Variants in RIBC2 observed in about 807,000 individuals in gnomAD.
RIBC2 encodes the protein RIB43A domain with coiled-coils 2, also known as RIB43A-like with coiled-coils protein 2.
A neutral mutation model predicts 44.3 loss-of-function variants in RIBC2; 40 were observed. The ratio of observed to expected loss-of-function variants is 0.90; its 90% CI spans 0.70 to 1.18. The LOEUF is 1.18. Among genes scored for constraint, RIBC2 ranks in the 50% most tolerant of loss-of-function variants. The pLI is 0.00. For synonymous variants in RIBC2, 171 were observed against 175.0 expected (o/e 0.98, Z 0.18); for missense variants, 459 against 485.5 (o/e 0.95, Z 0.51).
chr22:45,423,936 G>GTGA (rs199673014), intron 4 of RIBC2, among the ~76,000 whole-genome samples: 2 of 152,178 alleles, frequency 1.3e-5, no homozygotes, highest in Non-Finnish European at 2.9e-5. Context: ...GGAAGCGATG[G>GTGA]TGATGATGAT....
intron 6 of RIBC2, among the ~76,000 whole-genome samples, chr22:45,431,868 G>A (rs1367360607): frequency 2.0e-5 from 3 of 152,328 alleles, no homozygotes; most frequent in South Asian, 4.1e-4. Flanking sequence ...AGCTACTGGG[G>A]AGGCTGAGGC....
In RIBC2 at chr22:45,422,295, C is replaced by G; in HGVS notation, c.562C>G (p.Leu188Val). 6.2e-7 allele frequency: 1 copy of G among 1,613,758 alleles called. No individual in the cohort carries two copies. Residue 188 changes from leucine (L) to valine (V), a missense_variant, in exon 4 of 7, where the codon CTC (leucine) becomes GTC (valine). Coordinates refer to ENST00000614167, the MANE Select transcript of RIBC2 (RefSeq NM_015653.5). Reference protein sequence around the residue: ...ARAEQKCAEALYTETRLQFDE... With the variant: ...ARAEQKCAEAVYTETRLQFDE... ...TGCTTCTTGCCTCCTTTCAGAGGCCCTCTACACAGAGACAAGGCTGCAGTT... is the reference window on the plus strand; with the variant it reads ...TGCTTCTTGCCTCCTTTCAGAGGCCGTCTACACAGAGACAAGGCTGCAGTT...
intron 4 of RIBC2, chr22:45,422,646 GA>G: frequency 1.9e-6 from 1 of 525,550 alleles, no homozygotes; most frequent in Non-Finnish European, 3.4e-6. Context: ...GTAACCTGGG[GA>G]AGTCAGCTCA....
At chr22:45,432,262 T>A in intron 6 of RIBC2, 22 bp from the exon 7 acceptor site, 1 of 1,400,606 alleles carries the variant, frequency 7.1e-7, no homozygotes, top group Non-Finnish European at 9.9e-7. Flanking sequence ...CTGACCTTTT[T>A]TTTTTCTCAT....
intron 3 of RIBC2, among the ~76,000 whole-genome samples, chr22:45,421,124 T>C (rs577395662): frequency 6.6e-6 from 1 of 151,966 alleles, no homozygotes; most frequent in African/African-American, 2.4e-5. Flanking sequence ...GGTGAAACCC[T>C]GTCTCTACTG....
intron 4 of RIBC2, among the ~76,000 whole-genome samples, chr22:45,423,172 A>G (rs1602117158): frequency 6.6e-6 from 1 of 151,870 alleles, no homozygotes; most frequent in East Asian, 1.9e-4. Context: ...TTGTAGACAC[A>G]GGGTTTTGCC....
At chr22:45,421,999 G>T (rs930701231) in intron 3 of RIBC2, among the ~76,000 whole-genome samples, 29 of 152,188 alleles carry the variant, frequency 1.9e-4, no homozygotes, top group African/African-American at 6.7e-4. Context: ...GTCATTTCTT[G>T]GGGCTGTAGA....
intron 5 of RIBC2, 37 bp from the exon 6 acceptor site, chr22:45,430,863 G>A: frequency 6.6e-7 from 1 of 1,516,610 alleles, no homozygotes; most frequent in Non-Finnish European, 8.8e-7. Flanking sequence ...TTTGGCTCTG[G>A]GGAAAGGTGG....
At chr22:45,415,603 G>GTA (rs59918831) in intron 2 of RIBC2, among the ~76,000 whole-genome samples, 2,004 of 149,326 alleles carry the variant, frequency 0.013, 21 homozygotes, top group Non-Finnish European at 0.021. Flanking sequence ...TTATATATGT[G>GTA]TATATATATA....
chr22:45,417,633 G>A lies in RIBC2; in HGVS notation c.243G>A (p.Met81Ile), dbSNP rs534927341. 1 of 1,613,356 alleles carries A rather than the reference G, an allele frequency of 6.2e-7. No individual in the cohort carries two copies. Among genetic ancestry groups the A allele is most frequent in the Non-Finnish European group, 8.5e-7 (1 of 1,179,438 alleles). Residue 81 changes from methionine (M) to isoleucine (I), a missense_variant, in exon 3 of 7, where the codon ATG (methionine) becomes ATA (isoleucine). Coordinates refer to ENST00000614167, the MANE Select transcript of RIBC2 (RefSeq NM_015653.5). Reference sequence around the variant, plus strand: ...AAATGAGGCAAAATGACAAAATCATGTGCATATTGGAAAACCGGAAAAAGA... The same window carrying A: ...AAATGAGGCAAAATGACAAAATCATATGCATATTGGAAAACCGGAAAAAGA... ...AAEMRQNDKI[M>I]CILENRKKRD...
chr22:45,431,166 C>G, intron 6 of RIBC2, 100 bp downstream of exon 6: 1 of 1,371,892 alleles, frequency 7.3e-7, no homozygotes. Flanking sequence ...GGGAAACACC[C>G]CGCCCTGGTG....
At chr22:45,422,733 G>A (rs1330661688) in intron 4 of RIBC2, among the ~76,000 whole-genome samples, 1 of 152,172 alleles carries the variant, frequency 6.6e-6, no homozygotes, top group African/African-American at 2.4e-5. Context: ...GCCTAGCTCT[G>A]CTCCACTGCC....
At chr22:45,432,022 C>T (rs920118371) in intron 6 of RIBC2, among the ~76,000 whole-genome samples, 13 of 152,118 alleles carry the variant, frequency 8.5e-5, no homozygotes, top group African/African-American at 2.2e-4. Flanking sequence ...TGAACACCCA[C>T]GGAGATTTAA....
intron 3 of RIBC2, 64 bp downstream of exon 3, chr22:45,418,010 TTTTTTTTTTTTAAGCAACCCTACAG>T: frequency 1.1e-6 from 1 of 898,358 alleles, no homozygotes; most frequent in Non-Finnish European, 1.6e-6. Flanking sequence ...CCTACAGTTT[TTTTTTTTTTTTAAGCAACCCTACAG>T]TTTTTTTTTT....
At chr22:45,414,426 T>C in intron 2 of RIBC2, 23 bp downstream of exon 2, 1 of 1,500,322 alleles carries the variant, frequency 6.7e-7, no homozygotes, top group Non-Finnish European at 9.1e-7. Context: ...TGAATGCTTA[T>C]CTATTGGTTT....
chr22:45,421,545 T>TAAC (rs879833299), intron 3 of RIBC2, among the ~76,000 whole-genome samples: 1 of 113,736 alleles, frequency 8.8e-6, no homozygotes, highest in Non-Finnish European at 1.9e-5. Flanking sequence ...TTAATAATAT[T>TAAC]AATAATAATA....
chr22:45,418,099 G>A (rs2087444526), intron 3 of RIBC2, 153 bp downstream of exon 3: 1 of 581,396 alleles, frequency 1.7e-6, no homozygotes. Flanking sequence ...CTACCAATGT[G>A]CACAGACAGC....
intron 5 of RIBC2, 118 bp from the exon 6 acceptor site, chr22:45,430,782 C>T (rs1240588379): frequency 9.4e-6 from 12 of 1,276,738 alleles, no homozygotes; most frequent in Non-Finnish European, 1.2e-5. Context: ...CCTACCTGCT[C>T]GTCCTCTGAG....
intron 6 of RIBC2, 58 bp downstream of exon 6, chr22:45,431,124 T>G: frequency 6.5e-7 from 1 of 1,538,236 alleles, no homozygotes; most frequent in African/African-American, 1.4e-5. Flanking sequence ...ACCGCGGGGC[T>G]GTGGAGGTCA....
Sources: allele counts gnomAD v4.1 joint callset (sites outside exome capture counted in the v4.1 genomes callset), GRCh38; gene constraint gnomAD v4.1.1; transcripts MANE v1.5; gene names NCBI Gene and HGNC (gene_info 2026-07-23, HGNC 2026-07-21).